Variants in KIF6 observed in about 807,000 individuals in gnomAD.
KIF6 encodes the protein kinesin-like protein KIF6.
KIF6 carries 106 observed loss-of-function variants against 112.7 expected under a neutral mutation model. That is an observed-to-expected ratio of 0.94 (90% CI 0.80 to 1.11). The LOEUF is 1.11. Among genes scored for constraint, KIF6 ranks in the 50% least tolerant of loss-of-function variants. KIF6 has a pLI of 0.00. For synonymous variants in KIF6, 339 were observed against 339.9 expected (o/e 1.00, Z 0.03); for missense variants, 929 against 964.0 (o/e 0.96, Z 0.48).
At position 39,709,594 on chromosome 6, in the gene KIF6, A is replaced by G. The variant is rs570285732; in HGVS notation, c.251+5098T>C. On this transcript the variant is annotated intron_variant, in intron 3 of 22. Coordinates refer to ENST00000287152, the MANE Select transcript of KIF6 (RefSeq NM_145027.6). The stretch of plus-strand genomic sequence containing the variant: ...CCTGCTACATAGTCATGCACATAAT[A>G]TCACTGGTTTGGACGAAGTAGAAAA... Among the ~76,000 whole-genome samples the G allele has an allele frequency of 3.9e-5, 6 of 152,324 alleles. No individual in the cohort carries two copies. In the South Asian group the frequency reaches 1.0e-3, roughly 26 times the overall value.
intron 5 of KIF6, among the ~76,000 whole-genome samples, chr6:39,623,131 T>C (rs1783915964): frequency 6.6e-6 from 1 of 152,244 alleles, no homozygotes; most frequent in Non-Finnish European, 1.5e-5. Context: ...AATATGATTC[T>C]GGTTTAATCT....
At chr6:39,593,134 C>T (rs867830258) in intron 7 of KIF6, among the ~76,000 whole-genome samples, 2 of 152,202 alleles carry the variant, frequency 1.3e-5, no homozygotes, top group Non-Finnish European at 2.9e-5. Context: ...CTCAGTCATT[C>T]ATTTATCCTC....
At chr6:39,662,886 T>C (rs1218711239) in intron 3 of KIF6, among the ~76,000 whole-genome samples, 1 of 152,022 alleles carries the variant, frequency 6.6e-6, no homozygotes, top group Non-Finnish European at 1.5e-5. Flanking sequence ...TAGTATCTTT[T>C]TTTCTTTTCT....
At chr6:39,612,924 T>A (rs1397195080) in intron 6 of KIF6, among the ~76,000 whole-genome samples, 1 of 152,170 alleles carries the variant, frequency 6.6e-6, no homozygotes, top group African/African-American at 2.4e-5. Context: ...TAAAGGTAGA[T>A]ACACTAAAGT....
chr6:39,586,136 G>T, intron 8 of KIF6, 125 bp downstream of exon 8: 1 of 846,130 alleles, frequency 1.2e-6, no homozygotes. Flanking sequence ...GAACTCTGTA[G>T]GGTACTGCCC....
At chr6:39,646,376 G>T (rs1785174203) in intron 3 of KIF6, among the ~76,000 whole-genome samples, 1 of 151,898 alleles carries the variant, frequency 6.6e-6, no homozygotes, top group Admixed American at 6.6e-5. Flanking sequence ...GTCAGCAGAG[G>T]TCTTCTAACT....
At chr6:39,553,124 A>G (rs115559571) in intron 10 of KIF6, among the ~76,000 whole-genome samples, 3,149 of 152,330 alleles carry the variant, frequency 0.021, 41 homozygotes, top group South Asian at 0.052. Context: ...GACAGGTATT[A>G]TATACATTAT....
chr6:39,463,466 A>G (rs1029182736), intron 13 of KIF6, among the ~76,000 whole-genome samples: 6 of 152,234 alleles, frequency 3.9e-5, no homozygotes, highest in African/African-American at 9.6e-5. Flanking sequence ...ATAATCTCTA[A>G]TCTGACTACC....
At chr6:39,566,597 A>G (rs1224657252) in intron 10 of KIF6, among the ~76,000 whole-genome samples, 1 of 152,222 alleles carries the variant, frequency 6.6e-6, no homozygotes, top group East Asian at 1.9e-4. Context: ...GAAAAGCACC[A>G]CTTTGAAATG....
Position 39,385,626 on chromosome 6 carries a change from G to A in KIF6, c.1857C>T (p.Ala619=). The change falls in exon 16 of 23, where the codon GCC becomes GCT. Residue 619 remains alanine, a synonymous_variant. Transcript: ENST00000287152. ...EITQRHIQQV[A]LGISENMAVP... ...GCAGATTCTCTTTGTACCTACCTAG[G>A]GCTACTTGCTGTATATGCCGCTGGG... 2 of 1,613,048 alleles carry A rather than the reference G, an allele frequency of 1.2e-6. No individual in the cohort carries two copies. Among genetic ancestry groups the A allele is most frequent in the Non-Finnish European group, 1.7e-6 (2 of 1,179,114 alleles).
chr6:39,604,609 C>T (rs777486450), intron 6 of KIF6, among the ~76,000 whole-genome samples: 2 of 152,054 alleles, frequency 1.3e-5, no homozygotes, highest in Non-Finnish European at 2.9e-5. Context: ...GATTCTAGGT[C>T]TTTTTCTTAT....
intron 3 of KIF6, among the ~76,000 whole-genome samples, chr6:39,661,726 G>T (rs1786160702): frequency 6.6e-6 from 1 of 152,132 alleles, no homozygotes; most frequent in Admixed American, 6.5e-5. Flanking sequence ...TACCCTGGGA[G>T]AACAAAATAA....
intron 13 of KIF6, among the ~76,000 whole-genome samples, chr6:39,456,632 C>T (rs1452042069): frequency 9.9e-5 from 12 of 121,436 alleles, no homozygotes; most frequent in Admixed American, 3.6e-4. Flanking sequence ...ACCCATCTCA[C>T]GTGCAGAGAC....
chr6:39,681,238 C>T (rs1243551068), intron 3 of KIF6, among the ~76,000 whole-genome samples: 1 of 152,158 alleles, frequency 6.6e-6, no homozygotes, highest in Non-Finnish European at 1.5e-5. Flanking sequence ...TATAACCAAG[C>T]TGTTTCCATA....
At chr6:39,391,664 G>A (rs780628443) in intron 15 of KIF6, among the ~76,000 whole-genome samples, 29 of 152,184 alleles carry the variant, frequency 1.9e-4, no homozygotes, top group Admixed American at 1.9e-3. Context: ...CGTTAAAAAT[G>A]GGCCTGCCCA....
In KIF6 at chr6:39,360,511, G is replaced by A. The variant is rs150466485; in HGVS notation, c.1966C>T (p.Arg656Cys). ...EKRRYKTMFTRLKALKVEIEH... is the reference protein window; with the variant it reads ...EKRRYKTMFTCLKALKVEIEH... ...ATCTCCACCTTCAGGGCTTTCAGGCGAGTGAACATTGTTTTATACCTGCGG... is the reference window on the plus strand; with the variant it reads ...ATCTCCACCTTCAGGGCTTTCAGGCAAGTGAACATTGTTTTATACCTGCGG... Residue 656 changes from arginine (R) to cysteine (C), a missense_variant, in exon 18 of 23, where the codon CGC (arginine) becomes TGC (cysteine). Arg to Cys is a radical substitution (Grantham distance 180, BLOSUM62 -3). Transcript: ENST00000287152. The A allele has an allele frequency of 1.4e-5, 23 of 1,614,102 alleles. No individual in the cohort carries two copies. Among genetic ancestry groups the A allele is most frequent in the Non-Finnish European group, 1.8e-5 (21 of 1,180,048 alleles).
chr6:39,409,619 A>G (rs1457425337), intron 15 of KIF6, among the ~76,000 whole-genome samples: 1 of 152,246 alleles, frequency 6.6e-6, no homozygotes, highest in Non-Finnish European at 1.5e-5. Flanking sequence ...GGCTGGCTTC[A>G]ATAAGTTCTG....
At chr6:39,680,440 T>C (rs1442925590) in intron 3 of KIF6, among the ~76,000 whole-genome samples, 1 of 152,224 alleles carries the variant, frequency 6.6e-6, no homozygotes, top group Non-Finnish European at 1.5e-5. Context: ...CTGGTTTAGA[T>C]AGGCCTTCAA....
chr6:39,385,329 C>T (rs1285533695), intron 16 of KIF6, among the ~76,000 whole-genome samples: 1 of 151,916 alleles, frequency 6.6e-6, no homozygotes, highest in East Asian at 1.9e-4. Flanking sequence ...GAATCTGGGA[C>T]ACAGTGGGTG....
Sources: allele counts gnomAD v4.1 joint callset (sites outside exome capture counted in the v4.1 genomes callset), GRCh38; gene constraint gnomAD v4.1.1; transcripts MANE v1.5; gene names NCBI Gene and HGNC (gene_info 2026-07-23, HGNC 2026-07-21).